The following TRPC7 variants were observed in gnomAD, a reference collection of about 807,000 sequenced individuals.
TRPC7 encodes the protein transient receptor potential cation channel subfamily C member 7, also known as short transient receptor potential channel 7.
Under a neutral mutation model 90.1 loss-of-function variants are expected in TRPC7, and 42 were observed. The ratio of observed to expected loss-of-function variants is 0.47; its 90% CI spans 0.36 to 0.60. The LOEUF is 0.60. TRPC7 is among the 20% of genes least tolerant of loss of function. The pLI, the probability that TRPC7 is intolerant of heterozygous loss-of-function variation, is 0.00. For synonymous variants in TRPC7, 451 were observed against 436.3 expected, an observed-to-expected ratio of 1.03 and a Z score of -0.42; for missense variants, 955 against 1,112.3, an observed-to-expected ratio of 0.86 and a Z score of 2.01.
At chr5:136,226,483 C>T (rs1273671556) in intron 8 of TRPC7, 13 of 552,546 alleles carry the variant, frequency 2.4e-5, no homozygotes, top group African/African-American at 1.3e-4. Context: ...TGAAAAGCCT[C>T]GACCAGTTCA....
intron 7 of TRPC7, among the ~76,000 whole-genome samples, chr5:136,244,743 C>T (rs1194931946): frequency 1.3e-5 from 2 of 152,150 alleles, no homozygotes; most frequent in East Asian, 3.8e-4. Flanking sequence ...AGATCTAGAG[C>T]AAATTTGCTT....
intron 3 of TRPC7, among the ~76,000 whole-genome samples, chr5:136,288,624 T>C (rs1224473311): frequency 6.6e-6 from 1 of 152,140 alleles, no homozygotes; most frequent in Non-Finnish European, 1.5e-5. Flanking sequence ...AGTTAAACAA[T>C]TTGCCCAAGC....
chr5:136,317,536 C>T (rs1351080205), intron 2 of TRPC7, among the ~76,000 whole-genome samples: 1 of 152,126 alleles, frequency 6.6e-6, no homozygotes, highest in East Asian at 1.9e-4. Context: ...GTACACTGGG[C>T]TCAGCAACAT....
chr5:136,311,117 G>A (rs759338886), intron 3 of TRPC7, among the ~76,000 whole-genome samples: 24 of 152,020 alleles, frequency 1.6e-4, no homozygotes, highest in East Asian at 5.8e-4. Flanking sequence ...ATGCAAAACC[G>A]GACTCTCTGG....
At position 136,295,885 on chromosome 5, in the gene TRPC7, C is replaced by G. The variant is rs759155532; in HGVS notation, c.963+19712G>C. On this transcript the variant is annotated intron_variant, in intron 3 of 11. Coordinates refer to ENST00000513104, the MANE Select transcript of TRPC7 (RefSeq NM_020389.3). ...TCAGCCATTGCCTTTAGGCCCTCAT[C>G]ACTTCCTACTGGACACCTCTAACGG... Among the ~76,000 whole-genome samples, 26 of 152,336 alleles carry G rather than the reference C, an allele frequency of 1.7e-4. No homozygotes were observed. In the Middle Eastern group the frequency reaches 0.014, roughly 80 times the overall value.
intron 7 of TRPC7, among the ~76,000 whole-genome samples, chr5:136,245,272 G>A (rs1039785993): frequency 1.8e-4 from 27 of 152,200 alleles, no homozygotes; most frequent in African/African-American, 5.5e-4. Flanking sequence ...TCTCAGCACT[G>A]GGCCTGGCAC....
chr5:136,310,340 T>A (rs74827696), intron 3 of TRPC7, among the ~76,000 whole-genome samples: 278 of 146,330 alleles, frequency 1.9e-3, no homozygotes, highest in African/African-American at 6.1e-3. Context: ...GAATTTTTTT[T>A]AAAAATACAA....
rs77938827 is a variant in TRPC7 at position 136,249,550 on chromosome 5, G to A, written c.1580-1815C>T. 8.2e-3 allele frequency among the ~76,000 whole-genome samples: 1,246 copies of A among 152,036 alleles called. 15 individuals are homozygous for A. The highest frequency in any genetic ancestry group is 0.021 in the African/African-American group (880 of 41,486). Reference sequence around the variant, plus strand: ...GCAAAAAGGAATTCTTTTTTTCTGCGGCCTCTAGCTCACCATCTTAAACCT... The same window carrying A: ...GCAAAAAGGAATTCTTTTTTTCTGCAGCCTCTAGCTCACCATCTTAAACCT... On this transcript the variant is annotated intron_variant, in intron 6 of 11. Coordinates refer to ENST00000513104, the MANE Select transcript of TRPC7 (RefSeq NM_020389.3).
chr5:136,365,374 G>A lies in TRPC7; in HGVS notation c.-120C>T. The A allele has an allele frequency of 9.7e-7, 1 of 1,031,108 alleles. No individual in the cohort carries two copies. Among genetic ancestry groups the A allele is most frequent in the Non-Finnish European group, 1.5e-6 (1 of 688,958 alleles). 63.9% of individuals were successfully genotyped at this position (1,031,108 alleles called of 1,614,324 possible). ...ATGTACCGCTCTCCGTGGTGCTGAA[G>A]TATAGAGCTGGTCAAGTGAGTTAAG... is the stretch of plus-strand genomic sequence containing the variant. On this transcript the variant is annotated 5_prime_UTR_variant, in exon 1 of 12. Transcript: ENST00000513104.
At chr5:136,262,002 G>T (rs1408957396) in intron 5 of TRPC7, among the ~76,000 whole-genome samples, 28 of 152,150 alleles carry the variant, frequency 1.8e-4, no homozygotes, top group Non-Finnish European at 1.5e-5. Context: ...ACCTGGAATT[G>T]TTCTTGACTG....
intron 2 of TRPC7, among the ~76,000 whole-genome samples, chr5:136,341,390 G>C (rs1177396742): frequency 6.6e-6 from 1 of 151,106 alleles, no homozygotes; most frequent in East Asian, 1.9e-4. Context: ...CTGAATGTGG[G>C]GTATATTTTA....
chr5:136,279,172 T>C (rs1757464995), intron 3 of TRPC7, among the ~76,000 whole-genome samples: 1 of 152,136 alleles, frequency 6.6e-6, no homozygotes, highest in Non-Finnish European at 1.5e-5. Context: ...AAAAATACTC[T>C]CTGCCACCTC....
At chr5:136,347,682 G>T (rs114591740) in intron 2 of TRPC7, among the ~76,000 whole-genome samples, 113 of 152,266 alleles carry the variant, frequency 7.4e-4, no homozygotes, top group African/African-American at 2.6e-3. Context: ...CTCTTCTAAG[G>T]TCAAGGTCAA....
chr5:136,234,062 C>T (rs763810755), intron 7 of TRPC7, among the ~76,000 whole-genome samples: 14 of 152,198 alleles, frequency 9.2e-5, no homozygotes, highest in Non-Finnish European at 2.1e-4. Flanking sequence ...TTAACCTGGC[C>T]TGGAATGCTG....
intron 3 of TRPC7, among the ~76,000 whole-genome samples, chr5:136,290,058 C>G (rs1000941544): frequency 1.3e-5 from 2 of 152,170 alleles, no homozygotes; most frequent in Admixed American, 6.5e-5. Flanking sequence ...CCAGTAAACT[C>G]CAACAGACCT....
At chr5:136,341,179 T>C (rs1224653827) in intron 2 of TRPC7, among the ~76,000 whole-genome samples, 1 of 152,068 alleles carries the variant, frequency 6.6e-6, no homozygotes, top group Non-Finnish European at 1.5e-5. Context: ...ATTAATGAGG[T>C]TTAATATAGA....
intron 3 of TRPC7, among the ~76,000 whole-genome samples, chr5:136,310,708 C>T (rs1180752472): frequency 6.6e-6 from 1 of 152,202 alleles, no homozygotes; most frequent in Non-Finnish European, 1.5e-5. Flanking sequence ...GTGAACGCTA[C>T]TTTGCTCAGC....
chr5:136,330,204 G>T (rs1269728518), intron 2 of TRPC7, among the ~76,000 whole-genome samples: 1 of 152,196 alleles, frequency 6.6e-6, no homozygotes, highest in East Asian at 1.9e-4. Context: ...TGATTGGTCT[G>T]TGCACCCATT....
At chr5:136,359,160 C>G (rs1050171281) in intron 1 of TRPC7, among the ~76,000 whole-genome samples, 17 of 152,102 alleles carry the variant, frequency 1.1e-4, no homozygotes, top group African/African-American at 4.1e-4. Context: ...GCTCATTGTA[C>G]CTTTCGACCT....
Sources: gnomAD v4.1 joint callset for allele counts (sites outside exome capture counted in the v4.1 genomes callset) on GRCh38, gnomAD v4.1.1 for gene constraint, MANE v1.5 for transcripts, NCBI Gene and HGNC (gene_info 2026-07-23, HGNC 2026-07-21) for gene names.